The following GLI3 variants were observed in gnomAD, a reference collection of about 807,000 sequenced individuals.
The protein encoded by GLI3 is transcription activator GLI3.
Under a neutral mutation model 100.8 loss-of-function variants are expected in GLI3, and 20 were observed. The observed-to-expected ratio is 0.20, with a 90% CI of 0.14 to 0.29. The LOEUF (loss-of-function observed/expected upper bound fraction) is 0.29. Ranked by LOEUF, GLI3 falls within the 10% of genes least tolerant of loss-of-function variation. The pLI, the probability that GLI3 is intolerant of heterozygous loss-of-function variation, is 1.00. For missense variants in GLI3, 2,040 were observed against 2,128.5 expected, an observed-to-expected ratio of 0.96 and a Z score of 0.82; for synonymous variants, 938 against 860.5, an observed-to-expected ratio of 1.09 and a Z score of -1.58.
chr7:42,216,196 G>C (rs1484632959), intron 2 of GLI3, among the ~76,000 whole-genome samples: 2 of 152,162 alleles, frequency 1.3e-5, no homozygotes, highest in African/African-American at 2.4e-5. Context: ...CTGTCTCAAA[G>C]TGTTGTAATT....
intron 3 of GLI3, among the ~76,000 whole-genome samples, chr7:42,110,731 A>G (rs571460649): frequency 4.6e-5 from 7 of 152,356 alleles, no homozygotes; most frequent in Admixed American, 3.9e-4. Flanking sequence ...CTAACTTTAA[A>G]TGATAGAGGG....
intron 1 of GLI3, among the ~76,000 whole-genome samples, chr7:42,262,897 A>T (rs1431832691): frequency 6.6e-6 from 1 of 151,942 alleles, no homozygotes; most frequent in Admixed American, 6.6e-5. Context: ...GATAGAACCC[A>T]GTGTTTCTCC....
upstream of GLI3, among the ~76,000 whole-genome samples, chr7:42,264,164 G>A (rs1391631761): frequency 6.6e-6 from 1 of 152,176 alleles, no homozygotes; most frequent in Non-Finnish European, 1.5e-5. Context: ...AGACTTCCCA[G>A]TATGTCCATT....
At chr7:41,968,258 C>T (rs1787243129) in intron 13 of GLI3, among the ~76,000 whole-genome samples, 1 of 152,178 alleles carries the variant, frequency 6.6e-6, no homozygotes, top group Non-Finnish European at 1.5e-5. Context: ...TCTTTGGGCA[C>T]ATTACTTAGC....
chr7:42,175,212 T>C (rs1039992168), intron 2 of GLI3, among the ~76,000 whole-genome samples: 1 of 152,214 alleles, frequency 6.6e-6, no homozygotes, highest in Non-Finnish European at 1.5e-5. Context: ...GATGCTAGCA[T>C]GAATAAAGTA....
intron 3 of GLI3, among the ~76,000 whole-genome samples, chr7:42,138,963 C>T (rs1475624092): frequency 6.6e-6 from 1 of 152,198 alleles, no homozygotes; most frequent in South Asian, 2.1e-4. Flanking sequence ...GAGACTCTTT[C>T]AGTCCTGGCT....
chr7:42,232,135 T>G (rs1329921926), intron 1 of GLI3, among the ~76,000 whole-genome samples: 2 of 141,638 alleles, frequency 1.4e-5, no homozygotes, highest in Non-Finnish European at 3.1e-5. Context: ...CCCCCTCCCC[T>G]CTTAAAAAAG....
Position 41,966,167 on chromosome 7 carries a change from G to A in GLI3, c.2906C>T (p.Ala969Val). Residue 969 changes from alanine to valine, a missense_variant, in exon 15 of 15, where the codon GCC becomes GTC. Ala to Val is a moderately conservative substitution (Grantham distance 64, BLOSUM62 0). Around this residue, in one of 5 missense-constraint regions of GLI3, gnomAD observed 1,041 missense variants for 924.0 expected, o/e 1.13. Transcript: ENST00000395925. The surrounding 1 kb of genome is among the most constrained non-coding windows in gnomAD (Gnocchi z 5.8). Reference sequence around the variant, plus strand: ...CCTCGGGGCATGAACTGGAGGCAGGGCCACGCCAGGCTCGAGGGCATCCCC... The same window carrying A: ...CCTCGGGGCATGAACTGGAGGCAGGACCACGCCAGGCTCGAGGGCATCCCC... ...LLGDALEPGVALPPVHAPRRC... is the reference protein window; with the variant it reads ...LLGDALEPGVVLPPVHAPRRC... 6.2e-7 allele frequency: 1 copy of A among 1,600,262 alleles called. No individual in the cohort carries two copies. The highest frequency in any genetic ancestry group is 8.5e-7 in the Non-Finnish European group (1 of 1,176,432).
At chr7:42,254,217 T>TA (rs3057276) in intron 1 of GLI3, among the ~76,000 whole-genome samples, 2,942 of 118,496 alleles carry the variant, frequency 0.025, 122 homozygotes, top group African/African-American at 0.081. Flanking sequence ...AAAACTCCGT[T>TA]AAAAAAAAAA....
intron 10 of GLI3, among the ~76,000 whole-genome samples, 192 bp from the exon 11 acceptor site, chr7:41,978,940 A>T (rs1351296022): frequency 6.6e-6 from 1 of 152,250 alleles, no homozygotes; most frequent in African/African-American, 2.4e-5. Flanking sequence ...CTAACTGTGT[A>T]TGCATGCTTC....
chr7:42,215,935 TAAC>T (rs1788367769), intron 2 of GLI3, among the ~76,000 whole-genome samples: 1 of 152,198 alleles, frequency 6.6e-6, no homozygotes, highest in Admixed American at 6.5e-5. Flanking sequence ...CAGAGAATAC[TAAC>T]AACTGATGTT....
chr7:42,261,402 A>G (rs546269809), intron 1 of GLI3, among the ~76,000 whole-genome samples: 2 of 151,674 alleles, frequency 1.3e-5, no homozygotes, highest in East Asian at 3.9e-4. Flanking sequence ...TCAACATGAG[A>G]GCTGGGCAGG....
intron 3 of GLI3, among the ~76,000 whole-genome samples, chr7:42,116,489 A>G (rs1187959941): frequency 6.9e-6 from 1 of 145,822 alleles, no homozygotes; most frequent in Non-Finnish European, 1.5e-5. Flanking sequence ...TGCAAAAAGA[A>G]AAAAAAAAAA....
intron 12 of GLI3, among the ~76,000 whole-genome samples, chr7:41,974,373 A>G (rs1787447524): frequency 6.6e-6 from 1 of 152,206 alleles, no homozygotes; most frequent in Non-Finnish European, 1.5e-5. Context: ...CCTCACAACA[A>G]CATAACATAA....
intron 7 of GLI3, among the ~76,000 whole-genome samples, chr7:42,032,342 A>AT (rs1789318632): frequency 6.6e-6 from 1 of 152,120 alleles, no homozygotes; most frequent in South Asian, 2.1e-4. Flanking sequence ...ATAAATATTT[A>AT]TTTTTTTCAC....
At chr7:42,068,356 A>G (rs1784716528) in intron 4 of GLI3, among the ~76,000 whole-genome samples, 1 of 152,184 alleles carries the variant, frequency 6.6e-6, no homozygotes, top group Non-Finnish European at 1.5e-5. Context: ...GTCCACATCA[A>G]AACTAAAAAT....
chr7:42,146,344 G>A (rs957139508), intron 3 of GLI3, among the ~76,000 whole-genome samples: 2 of 152,124 alleles, frequency 1.3e-5, no homozygotes, highest in African/African-American at 4.8e-5. Flanking sequence ...CACTTGCACC[G>A]CTGAAGGAAG....
At chr7:42,230,664 T>C (rs1788680132) in intron 1 of GLI3, among the ~76,000 whole-genome samples, 1 of 152,338 alleles carries the variant, frequency 6.6e-6, no homozygotes, top group African/African-American at 2.4e-5. Flanking sequence ...CCAGAAGTAC[T>C]TGATGAGAAA....
At chr7:42,066,884 T>C (rs575802017) in intron 4 of GLI3, among the ~76,000 whole-genome samples, 1 of 152,234 alleles carries the variant, frequency 6.6e-6, no homozygotes, top group East Asian at 1.9e-4. Context: ...AGGCTGACCT[T>C]CTTTTCCCCC....
Sources: allele counts gnomAD v4.1 joint callset (sites outside exome capture counted in the v4.1 genomes callset), GRCh38; gene constraint gnomAD v4.1.1; regional missense constraint gnomAD v4.1.1; non-coding constraint Gnocchi (gnomAD v3.1); transcripts MANE v1.5; gene names NCBI Gene and HGNC (gene_info 2026-07-23, HGNC 2026-07-21).